Variants in POM121 observed in about 807,000 individuals in gnomAD.
POM121 encodes nuclear envelope pore membrane protein POM 121.
A neutral mutation model predicts 81.3 loss-of-function variants in POM121; 32 were observed. The ratio of observed to expected loss-of-function variants is 0.39; its 90% CI spans 0.30 to 0.53. POM121 has a LOEUF of 0.53. POM121 is among the 20% of genes least tolerant of loss of function. The probability of loss-of-function intolerance (pLI) is 0.66; values close to 1 mark genes in which losing one functional copy is unlikely to be tolerated. For synonymous variants in POM121, 514 were observed against 694.2 expected (o/e 0.74, Z 4.08); for missense variants, 1,138 against 1,614.6 (o/e 0.70, Z 5.06).
chr7:72,883,748 G>A (rs1197960501), intron 1 of POM121, among the ~76,000 whole-genome samples: 1 of 151,820 alleles, frequency 6.6e-6, no homozygotes, highest in African/African-American at 2.4e-5. Context: ...CGTGGCATTT[G>A]TCTACTTCTG....
At chr7:72,926,626 T>A in intron 2 of POM121, 149 bp downstream of exon 2, 1 of 1,483,992 alleles carries the variant, frequency 6.7e-7, no homozygotes, top group Non-Finnish European at 9.1e-7. Context: ...ACCCTTTTGT[T>A]TTTCACTTTT....
Position 72,946,288 on chromosome 7 carries a change from C to T in POM121, c.*54C>T, listed in dbSNP as rs1797685724. 6 of 1,601,352 alleles carry T rather than the reference C, an allele frequency of 3.7e-6. No individual in the cohort carries two copies. Among genetic ancestry groups the T allele is most frequent in the Non-Finnish European group, 4.3e-6 (5 of 1,174,634 alleles). ...CCCCTTCCCTAAATCTGGACCTTGG[C>T]ACCTGCTAGGAAGAGCCTTGGACCC... On this transcript the variant is annotated 3_prime_UTR_variant, in exon 13 of 13. Coordinates refer to ENST00000434423, the MANE Select transcript of POM121 (RefSeq NM_001387691.1).
intron 3 of POM121, among the ~76,000 whole-genome samples, chr7:72,909,917 GA>G (rs1473573513): frequency 6.6e-6 from 1 of 152,224 alleles, no homozygotes; most frequent in Non-Finnish European, 1.5e-5. Context: ...ACAGTGTTGG[GA>G]TTACAGGCAT....
rs371788487 is a variant in POM121 at position 72,933,501 on chromosome 7, T to C, written c.1275+3390T>C. Reference sequence around the variant, plus strand: ...GAAGGGCTACCAGCCAAATCTCATGTTCAAGAGTTTTTCCTATAGTAGAGA... The same window carrying C: ...GAAGGGCTACCAGCCAAATCTCATGCTCAAGAGTTTTTCCTATAGTAGAGA... On this transcript the variant is annotated intron_variant, in intron 5 of 12. Coordinates refer to ENST00000434423, the MANE Select transcript of POM121 (RefSeq NM_001387691.1). Among the ~76,000 whole-genome samples, 167 of 152,366 alleles carry C rather than the reference T, an allele frequency of 1.1e-3. 2 individuals are homozygous for C. In the East Asian group the frequency reaches 0.013, roughly 11 times the overall value.
At chr7:72,934,802 C>G (rs1796357723) in intron 5 of POM121, among the ~76,000 whole-genome samples, 1 of 152,152 alleles carries the variant, frequency 6.6e-6, no homozygotes, top group South Asian at 2.1e-4. Flanking sequence ...TATTTCTCTG[C>G]AGCACCGTCT....
chr7:72,925,512 C>T lies in POM121; in HGVS notation c.391C>T (p.Pro131Ser), dbSNP rs1213311344. The T allele has an allele frequency of 3.9e-6, 6 of 1,533,462 alleles. No homozygotes were observed. Among genetic ancestry groups the T allele is most frequent in the Admixed American group, 2.0e-5 (1 of 50,956 alleles). 95.0% of individuals were successfully genotyped at this position (1,533,462 alleles called of 1,614,324 possible). A position where few individuals can be genotyped will look rare whatever the true frequency, so the allele number is the denominator to read the frequency against. ...GCGGACCCTGCTCGAAGGACCTGAC[C>T]CTGCGGAACTGCTACTCATGGGCAG... ...EPRTLLEGPDPAELLLMGSYL... is the reference protein window; with the variant it reads ...EPRTLLEGPDSAELLLMGSYL... The change falls in exon 1 of 13, where the codon CCT becomes TCT. Residue 131 changes from proline to serine, a missense_variant. By Grantham distance (74) the Pro-to-Ser change is moderately conservative. Transcript: ENST00000434423.
At chr7:72,922,701 C>T (rs1586138876), upstream of POM121, among the ~76,000 whole-genome samples, 2 of 151,994 alleles carry the variant, frequency 1.3e-5, no homozygotes, top group Admixed American at 1.3e-4. Context: ...GAAGTGCTAA[C>T]TTTTAATGTA....
At chr7:72,922,961 CCT>C (rs782773105), upstream of POM121, among the ~76,000 whole-genome samples, 112 of 151,970 alleles carry the variant, frequency 7.4e-4, 1 homozygote, top group Non-Finnish European at 1.5e-3. Context: ...TTCTTCTTCC[CCT>C]GTTACCCAGG....
chr7:72,919,205 CTTTT>C (rs782471353), intron 4 of POM121, among the ~76,000 whole-genome samples: 1 of 111,378 alleles, frequency 9.0e-6, no homozygotes, highest in Admixed American at 9.6e-5. Context: ...CATGCCCAGC[CTTTT>C]TTTTTTTTTT....
intron 11 of POM121, among the ~76,000 whole-genome samples, chr7:72,944,341 A>T (rs1797440363): frequency 6.6e-6 from 1 of 152,032 alleles, no homozygotes; most frequent in Non-Finnish European, 1.5e-5. Flanking sequence ...ATGAATGTAG[A>T]TCCCATGGCT....
chr7:72,942,778 G>T lies in POM121; in HGVS notation c.2785G>T (p.Ala929Ser), dbSNP rs782280095. Residue 929 changes from alanine (A) to serine (S), a missense_variant, in exon 11 of 13, where the codon GCC (alanine) becomes TCC (serine). Around this residue, in one of 7 missense-constraint regions of POM121, gnomAD observed 25 missense variants for 229.8 expected, o/e 0.11. Coordinates refer to ENST00000434423, the MANE Select transcript of POM121 (RefSeq NM_001387691.1). ...TTTTGGCAGCACCCTCGCCACCTCC[G>T]CCCCGGCCACCAGCAGCCAGCCCAC... Reference protein sequence around the residue: ...SGFGSTLATSAPATSSQPTLT... With the variant: ...SGFGSTLATSSPATSSQPTLT... The T allele has an allele frequency of 7.2e-7, 1 of 1,389,932 alleles. No individual in the cohort carries two copies. Among genetic ancestry groups the T allele is most frequent in the African/African-American group, 1.5e-5 (1 of 66,792 alleles). The allele number at this position is 1,389,932 out of a possible 1,614,324, so 86.1% of individuals were successfully genotyped here. A position where few individuals can be genotyped will look rare whatever the true frequency, so the allele number is the denominator to read the frequency against.
chr7:72,947,889 G>C lies in POM121; in HGVS notation c.*1655G>C. The C allele has an allele frequency of 1.0e-6, 1 of 995,976 alleles. No homozygotes were observed. 61.7% of individuals were successfully genotyped at this position (995,976 alleles called of 1,614,324 possible). ...AGGGTGAGTGAGTGGTGGCGGGGCTGCTCCTTCCCACCCCTCAGAACAGCT... is the reference window on the plus strand; with the variant it reads ...AGGGTGAGTGAGTGGTGGCGGGGCTCCTCCTTCCCACCCCTCAGAACAGCT... On this transcript the variant is annotated 3_prime_UTR_variant, in exon 13 of 13. Coordinates refer to ENST00000434423, the MANE Select transcript of POM121 (RefSeq NM_001387691.1).
At chr7:72,921,285 C>A (rs1325779630), upstream of POM121, among the ~76,000 whole-genome samples, 19 of 152,160 alleles carry the variant, frequency 1.2e-4, no homozygotes, top group Non-Finnish European at 1.5e-4. Context: ...ATCTGTGCAC[C>A]CCATGGTCCC....
At chr7:72,934,424 T>C (rs1287565722) in intron 5 of POM121, among the ~76,000 whole-genome samples, 13 of 152,218 alleles carry the variant, frequency 8.5e-5, no homozygotes, top group African/African-American at 2.9e-4. Context: ...GAATACGCTC[T>C]TTATATGTTC....
intron 1 of POM121, among the ~76,000 whole-genome samples, chr7:72,890,264 G>A (rs1470668181): frequency 2.0e-5 from 3 of 152,172 alleles, no homozygotes; most frequent in Admixed American, 2.0e-4. Context: ...GAAGGGGAGC[G>A]CCTGGCAGCA....
chr7:72,940,063 T>C (rs2530517), intron 8 of POM121, 95 bp downstream of exon 8: 26 of 1,503,908 alleles, frequency 1.7e-5, no homozygotes, highest in Non-Finnish European at 3.5e-6. Context: ...TTTTTTCTAA[T>C]TTATTTTTGT....
rs1212101995 is a variant in POM121, at chr7:72,925,171, T to A, written c.50T>A (p.Ile17Lys). 6.6e-7 allele frequency: 1 copy of A among 1,503,954 alleles called. No individual in the cohort carries two copies. The highest frequency in any genetic ancestry group is 1.4e-5 in the African/African-American group (1 of 69,208). The allele number at this position is 1,503,954 out of a possible 1,614,324, so 93.2% of individuals were successfully genotyped here. Residue 17 changes from isoleucine to lysine, a missense_variant, in exon 1 of 13, where the codon ATA (isoleucine) becomes AAA (lysine). By Grantham distance (102) the Ile-to-Lys change is moderately radical. This residue lies in a region of POM121 where 646 missense variants were observed against 633.5 expected (regional missense o/e 1.02). Transcript: ENST00000434423. ...AAGAGERRRP[I>K]ASVRDGRGRG... ...GGAGCAGGCGAGCGGCGGCGGCCCA[T>A]AGCGAGTGTCAGGGACGGCCGGGGC...
At chr7:72,948,849 T>C (rs1239957820), downstream of POM121, 2 of 1,576,952 alleles carry the variant, frequency 1.3e-6, no homozygotes, top group African/African-American at 2.7e-5. Context: ...AGAGAGCAGT[T>C]CACCCCATCC....
downstream of POM121, chr7:72,950,156 G>A (rs782286396): frequency 1.2e-5 from 19 of 1,606,956 alleles, 1 homozygote; most frequent in African/African-American, 2.3e-4. Flanking sequence ...AAGGGGTCCA[G>A]GAGAAAATGC....
Sources: allele counts gnomAD v4.1 joint callset (sites outside exome capture counted in the v4.1 genomes callset), GRCh38; gene constraint gnomAD v4.1.1; regional missense constraint gnomAD v4.1.1; transcripts MANE v1.5; gene names NCBI Gene and HGNC (gene_info 2026-07-23, HGNC 2026-07-21).